The following GPR137C variants were observed in gnomAD, a reference collection of about 807,000 sequenced individuals.
GPR137C encodes integral membrane protein GPR137C.
In GPR137C, 27 loss-of-function variants were observed where a neutral mutation model predicts 43.4. That is an observed-to-expected ratio of 0.62 (90% CI 0.46 to 0.86). The LOEUF (loss-of-function observed/expected upper bound fraction) is 0.86. Among genes scored for constraint, GPR137C ranks in the 40% least tolerant of loss-of-function variants. The pLI, the probability that GPR137C is intolerant of heterozygous loss-of-function variation, is 0.00. For missense variants in GPR137C, 522 were observed against 534.6 expected, an observed-to-expected ratio of 0.98 and a Z score of 0.23; for synonymous variants, 285 against 226.9, an observed-to-expected ratio of 1.26 and a Z score of -2.30.
Position 52,637,409 on chromosome 14 carries a change from TAA to T in GPR137C, c.*2295_*2296del, listed in dbSNP as rs1475609176. The T allele has an allele frequency of 5.6e-4, 85 of 152,284 alleles. No homozygotes were observed. The highest frequency in any genetic ancestry group is 2.0e-3 in the African/African-American group (84 of 41,562). 9.4% of individuals were successfully genotyped at this position (152,284 alleles called of 1,614,324 possible). A position where few individuals can be genotyped will look rare whatever the true frequency, so the allele number is the denominator to read the frequency against. On this transcript the variant is annotated 3_prime_UTR_variant, in exon 7 of 7. Coordinates refer to ENST00000321662, the MANE Select transcript of GPR137C (RefSeq NM_001099652.2). The stretch of plus-strand genomic sequence containing the variant: ...TCATTAAAAAGTGAATTTCATTACT[TAA>T]GTGTGTAATTCTATAGTGATTAGCA...
At chr14:52,578,426 T>C (rs753765786) in intron 1 of GPR137C, among the ~76,000 whole-genome samples, 1 of 152,204 alleles carries the variant, frequency 6.6e-6, no homozygotes, top group Non-Finnish European at 1.5e-5. Context: ...TTTTAAAATT[T>C]CTACTAGCAT....
intron 2 of GPR137C, among the ~76,000 whole-genome samples, chr14:52,598,856 C>G (rs894117901): frequency 6.6e-6 from 1 of 152,168 alleles, no homozygotes; most frequent in East Asian, 1.9e-4. Context: ...GGGTTTCAAA[C>G]TATGTAATTA....
rs556554840 is a variant in GPR137C at position 52,637,702 on chromosome 14, T to C, written c.*2587T>C. The C allele has an allele frequency of 2.0e-5, 3 of 152,116 alleles. No homozygotes were observed. The highest frequency in any genetic ancestry group is 4.8e-5 in the African/African-American group (2 of 41,430). The allele number at this position is 152,116 out of a possible 1,614,324, so 9.4% of individuals were successfully genotyped here. A position where few individuals can be genotyped will look rare whatever the true frequency, so the allele number is the denominator to read the frequency against. ...AACACTACTATTAAAAATAAAAGTG[T>C]TTGTGCTTTTATTTAGAGTTCTGGT... is the stretch of plus-strand genomic sequence containing the variant. On this transcript the variant is annotated 3_prime_UTR_variant, in exon 7 of 7. Coordinates refer to ENST00000321662, the MANE Select transcript of GPR137C (RefSeq NM_001099652.2).
rs1351079928 is a variant in GPR137C, at chr14:52,636,692, T to C, written c.*1577T>C. The C allele has an allele frequency of 2.6e-5, 4 of 152,130 alleles. No homozygotes were observed. The highest frequency in any genetic ancestry group is 4.8e-5 in the African/African-American group (2 of 41,460). 9.4% of individuals were successfully genotyped at this position (152,130 alleles called of 1,614,324 possible). ...TGCTTTCGATCTTTTGGGAGGCCAG[T>C]ACACAGACAAATAAATTTCTTCTTT... On this transcript the variant is annotated 3_prime_UTR_variant, in exon 7 of 7. Transcript: ENST00000321662.
At chr14:52,598,445 G>A (rs926173839) in intron 2 of GPR137C, 130 bp downstream of exon 2, 24 of 431,150 alleles carry the variant, frequency 5.6e-5, no homozygotes, top group Non-Finnish European at 9.3e-5. Flanking sequence ...GGGAGTGGTT[G>A]TTGAGGGCAC....
intron 1 of GPR137C, among the ~76,000 whole-genome samples, chr14:52,579,340 G>T (rs1302581695): frequency 6.6e-6 from 1 of 152,184 alleles, no homozygotes; most frequent in East Asian, 1.9e-4. Context: ...CCAGGATGAA[G>T]AAGAGGCATT....
chr14:52,593,566 T>A (rs1455014565), intron 1 of GPR137C, among the ~76,000 whole-genome samples: 1 of 152,196 alleles, frequency 6.6e-6, no homozygotes, highest in Non-Finnish European at 1.5e-5. Flanking sequence ...TGGGAGGGTG[T>A]ATGTGTCCAG....
At chr14:52,610,304 C>A (rs1023711793) in intron 3 of GPR137C, among the ~76,000 whole-genome samples, 1 of 152,134 alleles carries the variant, frequency 6.6e-6, no homozygotes, top group Non-Finnish European at 1.5e-5. Flanking sequence ...ATTTTTCAGT[C>A]CTTTTCTAAA....
rs1387134107 is a variant in GPR137C at position 52,636,705 on chromosome 14, A to G, written c.*1590A>G. On this transcript the variant is annotated 3_prime_UTR_variant, in exon 7 of 7. Transcript: ENST00000321662. ...TTGGGAGGCCAGTACACAGACAAAT[A>G]AATTTCTTCTTTTTATGATACAAAA... 1 of 152,154 alleles carries G rather than the reference A, an allele frequency of 6.6e-6. No homozygotes were observed. The highest frequency in any genetic ancestry group is 1.5e-5 in the Non-Finnish European group (1 of 67,984). The allele number at this position is 152,154 out of a possible 1,614,324, so 9.4% of individuals were successfully genotyped here.
At chr14:52,585,295 C>T (rs2038698734) in intron 1 of GPR137C, among the ~76,000 whole-genome samples, 1 of 152,166 alleles carries the variant, frequency 6.6e-6, no homozygotes, top group Non-Finnish European at 1.5e-5. Context: ...TCAAAAGTGT[C>T]TTCCTTTTCA....
intron 4 of GPR137C, among the ~76,000 whole-genome samples, chr14:52,633,004 T>C (rs2039312263): frequency 6.6e-6 from 1 of 152,144 alleles, no homozygotes. Flanking sequence ...AATTTTCACA[T>C]GTGGTTCCTT....
intron 2 of GPR137C, 96 bp downstream of exon 2, chr14:52,598,411 A>G: frequency 1.9e-6 from 1 of 522,622 alleles, no homozygotes. Context: ...AATTTTTTTT[A>G]ATAGTAGACT....
At chr14:52,612,343 T>C (rs1594802686) in intron 3 of GPR137C, 3 of 909,384 alleles carry the variant, frequency 3.3e-6, no homozygotes, top group Non-Finnish European at 3.9e-6. Context: ...GCATAACATT[T>C]CATCATATAC....
intron 3 of GPR137C, among the ~76,000 whole-genome samples, chr14:52,630,150 G>A (rs2139581360): frequency 6.6e-6 from 1 of 152,224 alleles, no homozygotes; most frequent in Admixed American, 6.5e-5. Context: ...TTTTATGTAT[G>A]TAATTTGACT....
In GPR137C at chr14:52,598,309, G is replaced by T; in HGVS notation, c.482G>T (p.Arg161Ile). Residue 161 changes from arginine to isoleucine, a missense_variant, in exon 2 of 7, where the codon AGA (arginine) becomes ATA (isoleucine). Arg to Ile is a moderately conservative substitution (Grantham distance 97). Transcript: ENST00000321662. ...GTCAGATGTGCCACTGAACTTGACA[G>T]ACACAAGTAAGTTTTATGAGTATCT... ...CKVRCATELD[R>I]HKILLHLGFI... 1 of 1,368,560 alleles carries T rather than the reference G, an allele frequency of 7.3e-7. No individual in the cohort carries two copies. Among genetic ancestry groups the T allele is most frequent in the Non-Finnish European group, 1.0e-6 (1 of 998,826 alleles). The allele number at this position is 1,368,560 out of a possible 1,614,324, so 84.8% of individuals were successfully genotyped here.
Position 52,567,785 on chromosome 14 carries a change from G to A in GPR137C, c.444+14194G>A, listed in dbSNP as rs370968363. 2.6e-5 allele frequency among the ~76,000 whole-genome samples: 4 copies of A among 151,182 alleles called. No individual in the cohort carries two copies. In the East Asian group the frequency reaches 7.8e-4, roughly 29 times the overall value. On this transcript the variant is annotated intron_variant, in intron 1 of 6. Transcript: ENST00000321662. ...AGTGATTTATCTGCCCCAGCCTCCC[G>A]AGTAGCTGGGATTACAGGTGCGTGC...
intron 3 of GPR137C, among the ~76,000 whole-genome samples, chr14:52,630,077 T>C (rs1050492194): frequency 6.6e-6 from 1 of 152,200 alleles, no homozygotes; most frequent in African/African-American, 2.4e-5. Flanking sequence ...TTTTTCATTT[T>C]GTAATCCTGT....
intron 1 of GPR137C, among the ~76,000 whole-genome samples, chr14:52,556,965 A>G (rs1421416933): frequency 6.6e-6 from 1 of 152,200 alleles, no homozygotes; most frequent in Non-Finnish European, 1.5e-5. Context: ...ACAGATAGGA[A>G]AATTAAATTC....
At chr14:52,563,916 C>T (rs2038325362) in intron 1 of GPR137C, among the ~76,000 whole-genome samples, 1 of 152,094 alleles carries the variant, frequency 6.6e-6, no homozygotes. Flanking sequence ...TGTCTGTATA[C>T]CCTGGCCCCC....
Sources: gnomAD v4.1 joint callset for allele counts (sites outside exome capture counted in the v4.1 genomes callset) on GRCh38, gnomAD v4.1.1 for gene constraint, MANE v1.5 for transcripts, NCBI Gene and HGNC (gene_info 2026-07-23, HGNC 2026-07-21) for gene names.